SSR1: variants seen among roughly 807,000 people sequenced by gnomAD.
The protein encoded by SSR1 is translocon-associated protein subunit alpha.
Under a neutral mutation model 36.1 loss-of-function variants are expected in SSR1, and 13 were observed. The ratio of observed to expected loss-of-function variants is 0.36; its 90% CI spans 0.23 to 0.57. The LOEUF is 0.57. SSR1 is among the 20% of genes least tolerant of loss of function. SSR1 has a pLI of 0.81. For missense variants in SSR1, 291 were observed against 338.5 expected (o/e 0.86, Z 1.10); for synonymous variants, 113 against 118.9 (o/e 0.95, Z 0.32).
In SSR1 at chr6:7,313,009, G is replaced by A. The variant is rs373688819; in HGVS notation, c.79+33C>T. ...TTGCCATCACTGGCATCTCCTTCCTGGCCATCCCCTCCGCACACTCCCCCA... is the reference window on the plus strand; with the variant it reads ...TTGCCATCACTGGCATCTCCTTCCTAGCCATCCCCTCCGCACACTCCCCCA... On this transcript the variant is annotated intron_variant, in intron 1 of 7. Transcript: ENST00000244763. 11 of 1,570,330 alleles carry A rather than the reference G, an allele frequency of 7.0e-6. No homozygotes were observed. In the African/African-American group the frequency reaches 1.1e-4, roughly 16 times the overall value.
chr6:7,286,264 T>C lies in SSR1; in HGVS notation c.*3600A>G, dbSNP rs1443247150. 1 of 152,076 alleles carries C rather than the reference T, an allele frequency of 6.6e-6. No homozygotes were observed. Among genetic ancestry groups the C allele is most frequent in the East Asian group, 1.9e-4 (1 of 5,192 alleles). 9.4% of individuals were successfully genotyped at this position (152,076 alleles called of 1,614,324 possible). ...ATTTCAAAATCTAAAAAAAAAACCT[T>C]AGAACCTCAGATGATATAATTAACA... On this transcript the variant is annotated 3_prime_UTR_variant, in exon 8 of 8. Transcript: ENST00000244763.
chr6:7,290,042 G>C, intron 7 of SSR1, 111 bp from the exon 8 acceptor site: 1 of 790,510 alleles, frequency 1.3e-6, no homozygotes, highest in Non-Finnish European at 1.9e-6. Flanking sequence ...ACACACACAT[G>C]GGTGAACACC....
chr6:7,306,837 A>G (rs1758072870), intron 2 of SSR1, among the ~76,000 whole-genome samples: 1 of 140,730 alleles, frequency 7.1e-6, no homozygotes, highest in African/African-American at 2.7e-5. Flanking sequence ...ACTGGCGTGA[A>G]CCCGGGAGGT....
rs746784549 is a variant in SSR1, at chr6:7,289,594, A to G, written c.*270T>C. 6.6e-6 allele frequency: 3 copies of G among 451,926 alleles called. No individual in the cohort carries two copies. Among genetic ancestry groups the G allele is most frequent in the Non-Finnish European group, 1.2e-5 (3 of 258,118 alleles). The allele number at this position is 451,926 out of a possible 1,614,324, so 28.0% of individuals were successfully genotyped here. The stretch of plus-strand genomic sequence containing the variant: ...CTAAAGACTTGTTTCAGGTAGTTCA[A>G]CAATGATTCTGGTAAGACCAACTGC... On this transcript the variant is annotated 3_prime_UTR_variant, in exon 8 of 8. Coordinates refer to ENST00000244763, the MANE Select transcript of SSR1 (RefSeq NM_003144.5).
In SSR1 at chr6:7,288,333, T is replaced by C. The variant is rs1038499416; in HGVS notation, c.*1531A>G. The C allele has an allele frequency of 2.0e-5, 3 of 152,210 alleles. No individual in the cohort carries two copies. The highest frequency in any genetic ancestry group is 4.4e-5 in the Non-Finnish European group (3 of 68,026). 9.4% of individuals were successfully genotyped at this position (152,210 alleles called of 1,614,324 possible). ...CCCAATTAAAAACTCAAACACTTTATATTACAGATATAGAGTTTATAATCC... is the reference window on the plus strand; with the variant it reads ...CCCAATTAAAAACTCAAACACTTTACATTACAGATATAGAGTTTATAATCC... On this transcript the variant is annotated 3_prime_UTR_variant, in exon 8 of 8. Transcript: ENST00000244763.
chr6:7,305,087 C>T (rs1213539640), intron 2 of SSR1, among the ~76,000 whole-genome samples: 2 of 152,140 alleles, frequency 1.3e-5, no homozygotes, highest in Non-Finnish European at 2.9e-5. Context: ...AGGCTGAAAC[C>T]ATAAATGACA....
At chr6:7,290,815 A>G (rs1424730698) in intron 7 of SSR1, among the ~76,000 whole-genome samples, 1 of 152,148 alleles carries the variant, frequency 6.6e-6, no homozygotes, top group Non-Finnish European at 1.5e-5. Context: ...TAAAATGGAA[A>G]AAAAAAATCT....
chr6:7,299,013 AT>A (rs1256311183), intron 4 of SSR1, 190 bp from the exon 5 acceptor site: 5 of 576,906 alleles, frequency 8.7e-6, no homozygotes, highest in South Asian at 2.1e-5. Flanking sequence ...CTCACATGAA[AT>A]AAAGTCTCTG....
At chr6:7,291,945 C>T (rs545836939) in intron 7 of SSR1, among the ~76,000 whole-genome samples, 58 of 152,140 alleles carry the variant, frequency 3.8e-4, no homozygotes, top group African/African-American at 1.4e-3. Flanking sequence ...TGGTGGTGTG[C>T]GTCTGTAGTC....
rs1225869494 is a variant in SSR1, at chr6:7,282,129, TG to T, written c.*7734del. ...TGAGGCTGAAGAAGGTTCTGGCAAG[TG>T]GAGAACCATGAGATCCTGACAGAGC... On this transcript the variant is annotated 3_prime_UTR_variant, in exon 8 of 8. Coordinates refer to ENST00000244763, the MANE Select transcript of SSR1 (RefSeq NM_003144.5). 6.6e-6 allele frequency: 1 copy of T among 152,106 alleles called. No individual in the cohort carries two copies. The highest frequency in any genetic ancestry group is 6.5e-5 in the Admixed American group (1 of 15,268). The allele number at this position is 152,106 out of a possible 1,614,324, so 9.4% of individuals were successfully genotyped here.
intron 7 of SSR1, among the ~76,000 whole-genome samples, chr6:7,294,209 T>G (rs1180004221): frequency 7.3e-6 from 1 of 136,930 alleles, no homozygotes; most frequent in Non-Finnish European, 1.6e-5. Context: ...AAAATAATAT[T>G]GTCTAGTTGT....
rs1757607149 is a variant in SSR1 at position 7,288,562 on chromosome 6, C to G, written c.*1302G>C. The G allele has an allele frequency of 6.6e-6, 1 of 152,312 alleles. No individual in the cohort carries two copies. 9.4% of individuals were successfully genotyped at this position (152,312 alleles called of 1,614,324 possible). ...ATACTGAAAAGGAGAATGAAGAGGT[C>G]AGGAATTAAAGAGCCACTAAAATTT... On this transcript the variant is annotated 3_prime_UTR_variant, in exon 8 of 8. Coordinates refer to ENST00000244763, the MANE Select transcript of SSR1 (RefSeq NM_003144.5).
At position 7,306,655 on chromosome 6, in the gene SSR1, G is replaced by T. The variant is rs9502596; in HGVS notation, c.193-3018C>A. On this transcript the variant is annotated intron_variant, in intron 2 of 7. Transcript: ENST00000244763. ...GACTAGGCCAGGTGCAGTGGCTCAT[G>T]CCTGTAATCCCAGCACTTCGGGAGG... Among the ~76,000 whole-genome samples, 4 of 151,148 alleles carry T rather than the reference G, an allele frequency of 2.6e-5. No homozygotes were observed. In the South Asian group the frequency reaches 8.4e-4, roughly 32 times the overall value.
In SSR1 at chr6:7,285,947, A is replaced by G. The variant is rs1193570976; in HGVS notation, c.*3917T>C. 1 of 152,238 alleles carries G rather than the reference A, an allele frequency of 6.6e-6. No individual in the cohort carries two copies. The highest frequency in any genetic ancestry group is 6.5e-5 in the Admixed American group (1 of 15,290). 9.4% of individuals were successfully genotyped at this position (152,238 alleles called of 1,614,324 possible). On this transcript the variant is annotated 3_prime_UTR_variant, in exon 8 of 8. Transcript: ENST00000244763. This position sits in a 1 kb window ranked among gnomAD's most constrained non-coding sequence, Gnocchi z 4.1. ...GGGTATTGTGGGTAACTGAATTATC[A>G]TAGATACAATACAGCAAGTATATAT...
chr6:7,300,830 A>G (rs1757917635), intron 4 of SSR1, among the ~76,000 whole-genome samples: 1 of 152,124 alleles, frequency 6.6e-6, no homozygotes, highest in Non-Finnish European at 1.5e-5. Flanking sequence ...TTTAGTAGAG[A>G]CAGGGTTTCA....
rs527787842 is a variant in SSR1 at position 7,285,256 on chromosome 6, C to T, written c.*4608G>A. ...GGAACAAAAAAAGGCACAGTCAAAA[C>T]ATCTTTGACTGCAATTTGGAGACTT... On this transcript the variant is annotated 3_prime_UTR_variant, in exon 8 of 8. Coordinates refer to ENST00000244763, the MANE Select transcript of SSR1 (RefSeq NM_003144.5). This position sits in a 1 kb window ranked among gnomAD's most constrained non-coding sequence, Gnocchi z 4.1. The T allele has an allele frequency of 6.6e-6, 1 of 152,324 alleles. No homozygotes were observed. The highest frequency in any genetic ancestry group is 1.9e-4 in the East Asian group (1 of 5,188). The allele number at this position is 152,324 out of a possible 1,614,324, so 9.4% of individuals were successfully genotyped here.
At chr6:7,294,815 A>T (rs866960111) in intron 7 of SSR1, among the ~76,000 whole-genome samples, 1 of 152,210 alleles carries the variant, frequency 6.6e-6, no homozygotes, top group African/African-American at 2.4e-5. Flanking sequence ...AAACATTTTT[A>T]AAATGTCCTA....
At position 7,284,653 on chromosome 6, in the gene SSR1, A is replaced by G. The variant is rs1757507569; in HGVS notation, c.*5211T>C. 6.6e-6 allele frequency: 1 copy of G among 152,124 alleles called. No homozygotes were observed. Among genetic ancestry groups the G allele is most frequent in the Admixed American group, 6.6e-5 (1 of 15,266 alleles). 9.4% of individuals were successfully genotyped at this position (152,124 alleles called of 1,614,324 possible). A position where few individuals can be genotyped will look rare whatever the true frequency, so the allele number is the denominator to read the frequency against. On this transcript the variant is annotated 3_prime_UTR_variant, in exon 8 of 8. Transcript: ENST00000244763. ...GAACCAAAAGCTGAAGCATCATACAACTTGCCTCCAACTAAGAGGGGATCT... is the reference window on the plus strand; with the variant it reads ...GAACCAAAAGCTGAAGCATCATACAGCTTGCCTCCAACTAAGAGGGGATCT...
At position 7,289,661 on chromosome 6, in the gene SSR1, A is replaced by T. The variant is rs988069241; in HGVS notation, c.*203T>A. On this transcript the variant is annotated 3_prime_UTR_variant, in exon 8 of 8. Transcript: ENST00000244763. ...GCACACACATAGATTTTAATGGTTT[A>T]AAAAAAAACCAAATTTGTTACTTTA... The T allele has an allele frequency of 1.1e-5, 6 of 547,340 alleles. No individual in the cohort carries two copies. The highest frequency in any genetic ancestry group is 4.0e-5 in the African/African-American group (2 of 49,520). 33.9% of individuals were successfully genotyped at this position (547,340 alleles called of 1,614,324 possible).
Sources: allele counts gnomAD v4.1 joint callset (sites outside exome capture counted in the v4.1 genomes callset), GRCh38; gene constraint gnomAD v4.1.1; non-coding constraint Gnocchi (gnomAD v3.1); transcripts MANE v1.5; gene names NCBI Gene and HGNC (gene_info 2026-07-23, HGNC 2026-07-21).